Variants in CPD observed in about 807,000 individuals in gnomAD.
CPD encodes carboxypeptidase D.
Under a neutral mutation model 138.3 loss-of-function variants are expected in CPD, and 69 were observed. That is an observed-to-expected ratio of 0.50 (90% CI 0.41 to 0.61). CPD has a LOEUF of 0.61. Among genes scored for constraint, CPD ranks in the 20% least tolerant of loss-of-function variants. The pLI is 0.00. For missense variants in CPD, 1,432 were observed against 1,733.3 expected (o/e 0.83, Z 3.09); for synonymous variants, 651 against 642.1 (o/e 1.01, Z -0.21).
chr17:30,396,083 A>G (rs1243296115), intron 2 of CPD, among the ~76,000 whole-genome samples: 1 of 152,194 alleles, frequency 6.6e-6, no homozygotes, highest in Non-Finnish European at 1.5e-5. Flanking sequence ...GCTTTTAAAA[A>G]TATCTCAGAA....
At chr17:30,400,714 A>G (rs570217086) in intron 2 of CPD, among the ~76,000 whole-genome samples, 73 of 118,964 alleles carry the variant, frequency 6.1e-4, no homozygotes, top group Admixed American at 2.5e-3. Flanking sequence ...GCTGGAGTGC[A>G]TGGCGCGATC....
At chr17:30,409,034 A>G (rs1911885180) in intron 2 of CPD, among the ~76,000 whole-genome samples, 1 of 152,164 alleles carries the variant, frequency 6.6e-6, no homozygotes, top group Non-Finnish European at 1.5e-5. Context: ...CATTCCATCA[A>G]TACCTAGTTT....
At chr17:30,380,493 T>G (rs2143290743) in intron 1 of CPD, 1 of 1,335,756 alleles carries the variant, frequency 7.5e-7, no homozygotes, top group East Asian at 3.0e-5. Context: ...TGCACCTTAT[T>G]AGCCTGGGCA....
chr17:30,397,454 T>A (rs913375425), intron 2 of CPD, among the ~76,000 whole-genome samples: 1 of 151,968 alleles, frequency 6.6e-6, no homozygotes, highest in African/African-American at 2.4e-5. Context: ...AAGATGTGGC[T>A]GGGTATGGTG....
At chr17:30,389,699 T>G (rs115979493) in intron 2 of CPD, among the ~76,000 whole-genome samples, 89 of 152,350 alleles carry the variant, frequency 5.8e-4, no homozygotes, top group African/African-American at 2.1e-3. Context: ...GGCCAGAGAT[T>G]ATTTGGTGAA....
In CPD at chr17:30,447,235, CAT is replaced by C; in HGVS notation, c.2873+1217_2873+1218del. Among the ~76,000 whole-genome samples, 3 of 152,286 alleles carry C rather than the reference CAT, an allele frequency of 2.0e-5. No individual in the cohort carries two copies. The East Asian group carries it at 5.8e-4, about 29-fold the overall frequency. ...TTGCCATTGCTATTGGTGTTTTAGACATAAAGTTCTTGCCCATGCCTATGTCC... is the reference window on the plus strand; with the variant it reads ...TTGCCATTGCTATTGGTGTTTTAGACAAAGTTCTTGCCCATGCCTATGTCC... On this transcript the variant is annotated intron_variant, in intron 12 of 20. Transcript: ENST00000225719.
chr17:30,380,753 C>A (rs1911019897), intron 1 of CPD: 1 of 708,596 alleles, frequency 1.4e-6, no homozygotes, highest in Non-Finnish European at 2.2e-6. Flanking sequence ...CTTGAGCTAT[C>A]TCCAGAGATG....
At chr17:30,381,617 A>G (rs1172806953) in intron 1 of CPD, among the ~76,000 whole-genome samples, 2 of 152,234 alleles carry the variant, frequency 1.3e-5, no homozygotes, top group Non-Finnish European at 2.9e-5. Flanking sequence ...GCTATTAACC[A>G]ATAACAAAGG....
At position 30,468,187 on chromosome 17, in the gene CPD, G is replaced by A. The variant is rs915388968; in HGVS notation, c.*3373G>A. 6.6e-6 allele frequency: 1 copy of A among 152,418 alleles called. No individual in the cohort carries two copies. The highest frequency in any genetic ancestry group is 1.5e-5 in the Non-Finnish European group (1 of 67,970). 9.4% of individuals were successfully genotyped at this position (152,418 alleles called of 1,614,324 possible). On this transcript the variant is annotated 3_prime_UTR_variant, in exon 21 of 21. Coordinates refer to ENST00000225719, the MANE Select transcript of CPD (RefSeq NM_001304.5). ...ACTTGATTTTCAGAATATTGTCCTG[G>A]TTGATTTTGATTTGACAGCATACAT...
intron 11 of CPD, among the ~76,000 whole-genome samples, chr17:30,444,516 C>CTTT (rs34419729): frequency 2.2e-4 from 27 of 120,856 alleles, no homozygotes; most frequent in South Asian, 8.7e-4. Flanking sequence ...ATGCTAGTAA[C>CTTT]TTTTTTTTTT....
At chr17:30,386,823 G>A (rs1911202655) in intron 2 of CPD, among the ~76,000 whole-genome samples, 1 of 152,162 alleles carries the variant, frequency 6.6e-6, no homozygotes, top group Non-Finnish European at 1.5e-5. Flanking sequence ...TTCCTTGAAT[G>A]TATATGTTAG....
intron 2 of CPD, among the ~76,000 whole-genome samples, chr17:30,414,284 C>G (rs1912046322): frequency 6.6e-6 from 1 of 152,098 alleles, no homozygotes; most frequent in Non-Finnish European, 1.5e-5. Context: ...CTGTTAAGAG[C>G]AATTGCAGAG....
intron 10 of CPD, 60 bp from the exon 11 acceptor site, chr17:30,443,742 C>T: frequency 6.9e-7 from 1 of 1,458,980 alleles, no homozygotes. Context: ...ATATGACCTC[C>T]CAAGATAATT....
intron 9 of CPD, among the ~76,000 whole-genome samples, chr17:30,439,530 G>A (rs918383884): frequency 1.5e-5 from 2 of 129,352 alleles, no homozygotes; most frequent in Non-Finnish European, 3.2e-5. Flanking sequence ...CTAGCATTAG[G>A]TATATCTCCC....
chr17:30,438,912 C>T (rs570890185), intron 8 of CPD, 63 bp from the exon 9 acceptor site: 73 of 1,028,496 alleles, frequency 7.1e-5, no homozygotes, highest in African/African-American at 7.0e-4. Context: ...CTGTATCTTT[C>T]CAGTATTTTT....
Position 30,467,676 on chromosome 17 carries a change from T to A in CPD, c.*2862T>A, listed in dbSNP as rs747247411. 1.3e-5 allele frequency: 2 copies of A among 152,192 alleles called. No homozygotes were observed. Among genetic ancestry groups the A allele is most frequent in the African/African-American group, 2.4e-5 (1 of 41,450 alleles). The allele number at this position is 152,192 out of a possible 1,614,324, so 9.4% of individuals were successfully genotyped here. A position where few individuals can be genotyped will look rare whatever the true frequency, so the allele number is the denominator to read the frequency against. ...AACTAATTATGAGTTGACAAATAAA[T>A]AAAAGGTAGTGTTTATGTCTGAGCT... is the stretch of plus-strand genomic sequence containing the variant. On this transcript the variant is annotated 3_prime_UTR_variant, in exon 21 of 21. Transcript: ENST00000225719.
At chr17:30,434,916 T>C (rs1194415247) in intron 8 of CPD, among the ~76,000 whole-genome samples, 1 of 151,556 alleles carries the variant, frequency 6.6e-6, no homozygotes, top group East Asian at 1.9e-4. Flanking sequence ...GAAAATAAAG[T>C]CCATGGAAAA....
intron 20 of CPD, 125 bp downstream of exon 20, chr17:30,462,594 T>G: frequency 1.5e-6 from 1 of 667,198 alleles, no homozygotes; most frequent in Middle Eastern, 3.8e-4. Flanking sequence ...TCTCCTTATC[T>G]AAATGTGATT....
chr17:30,418,907 G>C (rs1912188934), intron 2 of CPD, among the ~76,000 whole-genome samples: 1 of 152,150 alleles, frequency 6.6e-6, no homozygotes, highest in Admixed American at 6.5e-5. Flanking sequence ...AGTTCACGGA[G>C]TCCTGGATTT....
Sources: allele counts gnomAD v4.1 joint callset (sites outside exome capture counted in the v4.1 genomes callset), GRCh38; gene constraint gnomAD v4.1.1; transcripts MANE v1.5; gene names NCBI Gene and HGNC (gene_info 2026-07-23, HGNC 2026-07-21).